Variants in TMC2 observed in about 807,000 individuals in gnomAD.
The protein encoded by TMC2 is transmembrane channel-like protein 2.
TMC2 carries 102 observed loss-of-function variants against 105.9 expected under a neutral mutation model. The observed-to-expected ratio is 0.96, with a 90% CI of 0.82 to 1.14. TMC2 has a LOEUF of 1.14. TMC2 is among the 50% of genes most tolerant of loss of function. The pLI is 0.00. For synonymous variants in TMC2, 402 were observed against 422.8 expected (o/e 0.95, Z 0.60); for missense variants, 1,093 against 1,134.3 (o/e 0.96, Z 0.52).
intron 2 of TMC2, among the ~76,000 whole-genome samples, chr20:2,548,433 G>C (rs770460732): frequency 6.6e-6 from 1 of 152,160 alleles, no homozygotes; most frequent in Non-Finnish European, 1.5e-5. Flanking sequence ...GAGATCGGGG[G>C]TTCGAGACGA....
At chr20:2,571,795 G>T (rs2422785) in intron 4 of TMC2, among the ~76,000 whole-genome samples, 19,246 of 152,070 alleles carry the variant, frequency 0.13, 1,515 homozygotes, top group African/African-American at 0.21. Flanking sequence ...AGCTCAGGAG[G>T]TCAAGAGCAG....
Position 2,592,371 on chromosome 20 carries a change from A to G in TMC2, c.896A>G (p.Glu299Gly), listed in dbSNP as rs760376857. Residue 299 changes from glutamate to glycine, a missense_variant, in exon 8 of 20, where the codon GAA becomes GGA. By Grantham distance (98) the Glu-to-Gly change is moderately conservative. Transcript: ENST00000358864. The surrounding 1 kb of genome is among the most constrained non-coding windows in gnomAD (Gnocchi z 4.9). Reference protein sequence around the residue: ...PRKTVPRAEEEKAMDFSVLWD... With the variant: ...PRKTVPRAEEGKAMDFSVLWD... ...AAGACAGTGCCTCGGGCTGAGGAAGAAAAGGCCATGGATTTTTCTGTCCTT... is the reference window on the plus strand; with the variant it reads ...AAGACAGTGCCTCGGGCTGAGGAAGGAAAGGCCATGGATTTTTCTGTCCTT... The G allele has an allele frequency of 6.2e-7, 1 of 1,613,988 alleles. No homozygotes were observed. Among genetic ancestry groups the G allele is most frequent in the Admixed American group, 1.7e-5 (1 of 60,018 alleles).
chr20:2,626,774 T>C (rs761542318), intron 17 of TMC2, among the ~76,000 whole-genome samples: 35 of 152,236 alleles, frequency 2.3e-4, no homozygotes, highest in Non-Finnish European at 4.0e-4. Flanking sequence ...AAGCCTACAG[T>C]GTTTACCAAT....
At position 2,624,316 on chromosome 20, in the gene TMC2, CG is replaced by C; in HGVS notation, c.2227del (p.Asp743IlefsTer18). ...YDVLQETIEN[D>X]FPTFLGKIFA... Reference sequence around the variant, plus strand: ...ATGTCCTCCAAGAGACCATTGAAAACGATTTCCCAACCTTCCTGGGCAAGAT... The same window carrying C: ...ATGTCCTCCAAGAGACCATTGAAAACATTTCCCAACCTTCCTGGGCAAGAT... On this transcript the variant is annotated frameshift_variant, in exon 17 of 20. Transcript: ENST00000358864. LOFTEE classifies it high-confidence loss of function. The C allele has an allele frequency of 6.2e-7, 1 of 1,614,182 alleles. No individual in the cohort carries two copies.
At chr20:2,539,356 T>C (rs79572526) in intron 2 of TMC2, among the ~76,000 whole-genome samples, 2,310 of 152,306 alleles carry the variant, frequency 0.015, 70 homozygotes, top group African/African-American at 0.052. Flanking sequence ...TTTCGTTCAG[T>C]TGGAGAACTA....
chr20:2,537,903 A>G (rs1568498132), intron 2 of TMC2, among the ~76,000 whole-genome samples: 1 of 152,148 alleles, frequency 6.6e-6, no homozygotes, highest in Non-Finnish European at 1.5e-5. Context: ...ATGTCACAAA[A>G]TATTATGGAT....
intron 17 of TMC2, among the ~76,000 whole-genome samples, chr20:2,632,727 T>C (rs1054695971): frequency 7.2e-5 from 11 of 152,048 alleles, no homozygotes; most frequent in Admixed American, 5.2e-4. Flanking sequence ...GTAGCTGGGA[T>C]TACAGGCGCC....
At chr20:2,539,929 G>T (rs1446086765) in intron 2 of TMC2, among the ~76,000 whole-genome samples, 1 of 151,774 alleles carries the variant, frequency 6.6e-6, no homozygotes, top group Non-Finnish European at 1.5e-5. Context: ...ATAAATACAG[G>T]ACAGGTTCTC....
rs1224109852 is a variant in TMC2 at position 2,558,179 on chromosome 20, G to T, written c.83-277G>T. 4 of 561,910 alleles carry T rather than the reference G, an allele frequency of 7.1e-6. No individual in the cohort carries two copies. The highest frequency in any genetic ancestry group is 3.8e-5 in the Admixed American group (1 of 26,122). 34.8% of individuals were successfully genotyped at this position (561,910 alleles called of 1,614,324 possible). On this transcript the variant is annotated intron_variant, in intron 2 of 19. Transcript: ENST00000358864. This position sits in a 1 kb window ranked among gnomAD's most constrained non-coding sequence, Gnocchi z 4.6. ...CTCTCTGTGTGACTTTCCTTTCCTTGGGTATAGGGCAGGACACCTGTCACA... is the reference window on the plus strand; with the variant it reads ...CTCTCTGTGTGACTTTCCTTTCCTTTGGTATAGGGCAGGACACCTGTCACA...
chr20:2,638,416 A>G (rs1466989013), intron 19 of TMC2, among the ~76,000 whole-genome samples: 5 of 152,170 alleles, frequency 3.3e-5, no homozygotes, highest in Non-Finnish European at 1.5e-5. Context: ...CAATAATGAT[A>G]ATAATTATGT....
At chr20:2,543,834 A>G (rs565404647) in intron 2 of TMC2, among the ~76,000 whole-genome samples, 3 of 152,114 alleles carry the variant, frequency 2.0e-5, no homozygotes, top group East Asian at 1.9e-4. Context: ...TCATCATTTC[A>G]TATCAATTGT....
intron 11 of TMC2, among the ~76,000 whole-genome samples, chr20:2,602,595 C>T (rs1435926309): frequency 6.6e-6 from 1 of 152,258 alleles, no homozygotes; most frequent in Non-Finnish European, 1.5e-5. Context: ...CAGCGCCATA[C>T]ATCGTAAATC....
intron 19 of TMC2, among the ~76,000 whole-genome samples, chr20:2,637,856 A>G (rs2086659876): frequency 6.6e-6 from 1 of 152,228 alleles, no homozygotes; most frequent in African/African-American, 2.4e-5. Flanking sequence ...AGCTGGCAGT[A>G]GTGCCGTCAT....
rs565292867 is a variant in TMC2, at chr20:2,618,778, G to A, written c.2180+1467G>A. 3.9e-5 allele frequency among the ~76,000 whole-genome samples: 6 copies of A among 152,322 alleles called. No individual in the cohort carries two copies. The East Asian group carries it at 5.8e-4, about 15-fold the overall frequency. ...TTCTGTGGTTAAAGCAGTTTAGGACGTACTGCCCCTTCTGTCTGCCATTAT... is the reference window on the plus strand; with the variant it reads ...TTCTGTGGTTAAAGCAGTTTAGGACATACTGCCCCTTCTGTCTGCCATTAT... On this transcript the variant is annotated intron_variant, in intron 16 of 19. Transcript: ENST00000358864.
chr20:2,597,339 G>A (rs746954335), intron 10 of TMC2, 41 bp downstream of exon 10: 29 of 1,587,222 alleles, frequency 1.8e-5, no homozygotes, highest in East Asian at 4.5e-5. Context: ...GAGAACTCTA[G>A]GTCCCTCTGG....
intron 7 of TMC2, among the ~76,000 whole-genome samples, chr20:2,588,163 G>C (rs1415344138): frequency 6.6e-6 from 1 of 152,188 alleles, no homozygotes; most frequent in Non-Finnish European, 1.5e-5. Context: ...CAAAACATGG[G>C]AAGGATTGAA....
At chr20:2,572,321 A>T in intron 5 of TMC2, 52 bp downstream of exon 5, 3 of 1,468,722 alleles carry the variant, frequency 2.0e-6, no homozygotes, top group Non-Finnish European at 2.8e-6. Flanking sequence ...TCAGCTTTGG[A>T]ATCTGGCGAC....
At position 2,562,528 on chromosome 20, in the gene TMC2, T is replaced by TATC. The variant is rs1217803179; in HGVS notation, c.554+520_554+522dup. On this transcript the variant is annotated intron_variant, in intron 4 of 19. Coordinates refer to ENST00000358864, the MANE Select transcript of TMC2 (RefSeq NM_080751.3). Reference sequence around the variant, plus strand: ...CAAGCTGGCCCCCATGCAACATGAATATCACTCTGTGAATGGCAACAGGCC... The same window carrying TATC: ...CAAGCTGGCCCCCATGCAACATGAATATCATCACTCTGTGAATGGCAACAGGCC... Among the ~76,000 whole-genome samples, 6 of 152,220 alleles carry TATC rather than the reference T, an allele frequency of 3.9e-5. No individual in the cohort carries two copies. In the East Asian group the frequency reaches 9.6e-4, roughly 24 times the overall value.
chr20:2,597,268 C>T lies in TMC2; in HGVS notation c.1194C>T (p.Asn398=), dbSNP rs779155603. 1.6e-5 allele frequency: 26 copies of T among 1,613,912 alleles called. No homozygotes were observed. The highest frequency in any genetic ancestry group is 5.0e-5 in the Admixed American group (3 of 60,004). Residue 398 remains asparagine (N), a synonymous_variant, in exon 10 of 20, where the codon AAC becomes AAT. Transcript: ENST00000358864. ...YLIGNSETAD[N]KYASITTSFK... is the part of the protein sequence containing the mutation. ...TCGGGAATTCAGAGACAGCTGATAA[C>T]AAATATGCATCCATCACCACCAGCT...
Sources: gnomAD v4.1 joint callset for allele counts (sites outside exome capture counted in the v4.1 genomes callset) on GRCh38, gnomAD v4.1.1 for gene constraint, Gnocchi (gnomAD v3.1) non-coding constraint, MANE v1.5 for transcripts, NCBI Gene and HGNC (gene_info 2026-07-23, HGNC 2026-07-21) for gene names.